The following SLC30A9 variants were observed in gnomAD, a reference collection of about 807,000 sequenced individuals.
The protein encoded by SLC30A9 is proton-coupled zinc antiporter SLC30A9, mitochondrial.
Under a neutral mutation model 87.5 loss-of-function variants are expected in SLC30A9, and 58 were observed. That is an observed-to-expected ratio of 0.66 (90% CI 0.54 to 0.82). The LOEUF (loss-of-function observed/expected upper bound fraction) is 0.82. SLC30A9 is among the 40% of genes least tolerant of loss of function. SLC30A9 has a pLI of 0.00. For missense variants in SLC30A9, 557 were observed against 679.1 expected (o/e 0.82, Z 2.00); for synonymous variants, 234 against 233.0 (o/e 1.00, Z -0.04).
intron 8 of SLC30A9, 38 bp from the exon 9 acceptor site, chr4:42,049,339 C>A (rs535581772): frequency 1.4e-6 from 2 of 1,396,866 alleles, no homozygotes; most frequent in Admixed American, 3.6e-5. Context: ...AAATTTTTGT[C>A]CAAACCTATG....
rs187636461 is a variant in SLC30A9 at position 41,994,460 on chromosome 4, T to C, written c.109+3700T>C. Among the ~76,000 whole-genome samples, 153 of 151,568 alleles carry C rather than the reference T, an allele frequency of 1.0e-3. 1 individual carries two copies. The highest frequency in any genetic ancestry group is 3.6e-3 in the African/African-American group (148 of 41,286). ...TATACCTTGCCTCATTTGGCAAAAA[T>C]TTGAGAGGGGAAGACACTTAAGTAT... On this transcript the variant is annotated intron_variant, in intron 1 of 17. Transcript: ENST00000264451.
intron 2 of SLC30A9, among the ~76,000 whole-genome samples, chr4:42,010,897 CT>C (rs1715412873): frequency 6.6e-6 from 1 of 152,132 alleles, no homozygotes; most frequent in African/African-American, 2.4e-5. Context: ...AGGAGTTTGG[CT>C]TGTTTGGAGT....
intron 2 of SLC30A9, among the ~76,000 whole-genome samples, chr4:42,016,886 T>A (rs1337118891): frequency 6.6e-6 from 1 of 152,128 alleles, no homozygotes; most frequent in African/African-American, 2.4e-5. Flanking sequence ...CAGAACAGAG[T>A]CCTGCTCTGA....
chr4:42,011,334 A>G, intron 2 of SLC30A9, among the ~76,000 whole-genome samples: 1 of 152,118 alleles, frequency 6.6e-6, no homozygotes, highest in East Asian at 1.9e-4. Context: ...TGATCTGATT[A>G]CCTCCTCCTG....
intron 16 of SLC30A9, among the ~76,000 whole-genome samples, chr4:42,076,737 G>A (rs1395790935): frequency 6.6e-6 from 1 of 152,058 alleles, no homozygotes; most frequent in African/African-American, 2.4e-5. Flanking sequence ...GCCGAGGTGG[G>A]CGGATCACGA....
At chr4:42,002,911 G>C (rs1402670735) in intron 2 of SLC30A9, among the ~76,000 whole-genome samples, 1 of 152,088 alleles carries the variant, frequency 6.6e-6, no homozygotes, top group Non-Finnish European at 1.5e-5. Context: ...AGTCTCACTA[G>C]CATCTCTTGT....
chr4:42,029,783 T>C (rs1431506843), intron 6 of SLC30A9: 10 of 733,048 alleles, frequency 1.4e-5, no homozygotes, highest in Admixed American at 5.3e-5. Context: ...AACCTAAGTC[T>C]CCCGAGAATG....
At chr4:41,996,793 G>T (rs1470488594) in intron 1 of SLC30A9, among the ~76,000 whole-genome samples, 1 of 152,088 alleles carries the variant, frequency 6.6e-6, no homozygotes, top group Admixed American at 6.5e-5. Flanking sequence ...CAGCACTTTG[G>T]GAGGCCAAGG....
intron 6 of SLC30A9, chr4:42,029,991 G>A: frequency 7.6e-6 from 7 of 917,278 alleles, no homozygotes; most frequent in Non-Finnish European, 1.2e-5. Flanking sequence ...GCCTCTGCTT[G>A]TTGTACAGTT....
rs1472237031 is a variant in SLC30A9 at position 42,089,492 on chromosome 4, G to A, written c.*3366G>A. 1.3e-5 allele frequency: 2 copies of A among 151,922 alleles called. No individual in the cohort carries two copies. The highest frequency in any genetic ancestry group is 3.9e-4 in the East Asian group (2 of 5,182). 9.4% of individuals were successfully genotyped at this position (151,922 alleles called of 1,614,324 possible). A position where few individuals can be genotyped will look rare whatever the true frequency, so the allele number is the denominator to read the frequency against. On this transcript the variant is annotated 3_prime_UTR_variant, in exon 18 of 18. Coordinates refer to ENST00000264451, the MANE Select transcript of SLC30A9 (RefSeq NM_006345.4). The stretch of plus-strand genomic sequence containing the variant: ...CAGGCTGGAGTGCACTGGCACAATT[G>A]CAGCTCACCGCAACCTTCACCTCCC...
chr4:42,022,760 C>A, intron 4 of SLC30A9, 78 bp from the exon 5 acceptor site: 1 of 713,312 alleles, frequency 1.4e-6, no homozygotes, highest in Non-Finnish European at 2.3e-6. Flanking sequence ...TTGCTTTTAT[C>A]TGCCCTTAGT....
intron 16 of SLC30A9, 47 bp from the exon 17 acceptor site, chr4:42,078,165 C>A: frequency 1.1e-6 from 1 of 907,010 alleles, no homozygotes; most frequent in Non-Finnish European, 1.7e-6. Flanking sequence ...AAGTGTACCA[C>A]TATGGTTTTT....
Position 42,075,846 on chromosome 4 carries a change from A to G in SLC30A9, c.1548+60A>G, listed in dbSNP as rs1718526645. ...GGTTAGAAAAATGCTTTTAAGGTAA[A>G]CAAAATGAAATTTTTTTTTATAGAT... On this transcript the variant is annotated intron_variant, in intron 16 of 17. Transcript: ENST00000264451. 4 of 1,531,964 alleles carry G rather than the reference A, an allele frequency of 2.6e-6. No homozygotes were observed. In the African/African-American group the frequency reaches 5.6e-5, roughly 21 times the overall value. The allele number at this position is 1,531,964 out of a possible 1,614,324, so 94.9% of individuals were successfully genotyped here.
At position 42,053,695 on chromosome 4, in the gene SLC30A9, C is replaced by CAAAAAAAAAAAA. The variant is rs56190460; in HGVS notation, c.840+4234_840+4245dup. Reference sequence around the variant, plus strand: ...TGGATGACAAGAGTGACTCGGTCTCCAAAAAAAAAAAAAAAAAAAAAAAAA... The same window carrying CAAAAAAAAAAAA: ...TGGATGACAAGAGTGACTCGGTCTCCAAAAAAAAAAAAAAAAAAAAAAAAAAAAAAAAAAAAA... On this transcript the variant is annotated intron_variant, in intron 9 of 17. Coordinates refer to ENST00000264451, the MANE Select transcript of SLC30A9 (RefSeq NM_006345.4). Among the ~76,000 whole-genome samples, 9 of 55,924 alleles carry CAAAAAAAAAAAA rather than the reference C, an allele frequency of 1.6e-4. 1 individual carries two copies. The highest frequency in any genetic ancestry group is 5.7e-4 in the African/African-American group (6 of 10,540). 36.7% of individuals were successfully genotyped at this position (55,924 alleles called of 152,430 possible). A position where few individuals can be genotyped will look rare whatever the true frequency, so the allele number is the denominator to read the frequency against.
intron 3 of SLC30A9, chr4:42,018,487 A>G (rs932728549): frequency 9.5e-6 from 11 of 1,155,270 alleles, no homozygotes; most frequent in African/African-American, 1.6e-5. Flanking sequence ...CTTTTCAGCT[A>G]CTGCTTATTC....
intron 2 of SLC30A9, among the ~76,000 whole-genome samples, chr4:42,014,043 A>C (rs2153134500): frequency 6.6e-6 from 1 of 152,356 alleles, no homozygotes; most frequent in South Asian, 2.1e-4. Context: ...GGAAAAATCT[A>C]ATAATCTGAT....
intron 12 of SLC30A9, among the ~76,000 whole-genome samples, chr4:42,066,213 A>G (rs4543157): frequency 0.6 from 90,822 of 152,066 alleles, 32,825 homozygotes; most frequent in East Asian, 0.95. Flanking sequence ...GGGGCCCCTC[A>G]TCTTTGAAAG....
At chr4:42,045,774 G>T (rs538647313) in intron 8 of SLC30A9, among the ~76,000 whole-genome samples, 2 of 152,116 alleles carry the variant, frequency 1.3e-5, no homozygotes, top group Non-Finnish European at 2.9e-5. Context: ...ACAAAAAAAA[G>T]AAAATTTCAG....
Position 42,001,676 on chromosome 4 carries a change from A to T in SLC30A9, c.170A>T (p.Tyr57Phe). 3 of 1,608,314 alleles carry T rather than the reference A, an allele frequency of 1.9e-6. No homozygotes were observed. Among genetic ancestry groups the T allele is most frequent in the Non-Finnish European group, 2.6e-6 (3 of 1,175,222 alleles). The change falls in exon 2 of 18, where the codon TAT becomes TTT. Residue 57 changes from tyrosine (Y) to phenylalanine (F), a missense_variant. Physicochemically the swap from Tyr to Phe is conservative, Grantham distance 22 (BLOSUM62 3). This residue lies in a region of SLC30A9 where 467 missense variants were observed against 529.8 expected (regional missense o/e 0.88). Coordinates refer to ENST00000264451, the MANE Select transcript of SLC30A9 (RefSeq NM_006345.4). ...FSNMVPCSHPYIGTLSQVKLY... is the reference protein window; with the variant it reads ...FSNMVPCSHPFIGTLSQVKLY... ...AACATGGTTCCCTGTAGTCATCCAT[A>T]TATTGGTACCCTGAGTCAAGTAAAG...
Sources: gnomAD v4.1 joint callset for allele counts (sites outside exome capture counted in the v4.1 genomes callset) on GRCh38, gnomAD v4.1.1 for gene constraint, gnomAD v4.1.1 regional missense constraint, MANE v1.5 for transcripts, NCBI Gene and HGNC (gene_info 2026-07-23, HGNC 2026-07-21) for gene names.